FARP1: variants seen among roughly 807,000 people sequenced by gnomAD.
FARP1 encodes FERM, ARHGEF and pleckstrin domain-containing protein 1.
Under a neutral mutation model 128.8 loss-of-function variants are expected in FARP1, and 52 were observed. The ratio of observed to expected loss-of-function variants is 0.40; its 90% CI spans 0.32 to 0.51. FARP1 has a LOEUF of 0.51. Ranked by LOEUF, FARP1 falls within the 20% of genes least tolerant of loss-of-function variation. FARP1 has a pLI of 0.45. For missense variants in FARP1, 1,333 were observed against 1,367.9 expected, an observed-to-expected ratio of 0.97 and a Z score of 0.40; for synonymous variants, 580 against 551.8, an observed-to-expected ratio of 1.05 and a Z score of -0.72.
intron 2 of FARP1, among the ~76,000 whole-genome samples, chr13:98,226,310 C>T (rs1247005364): frequency 2.6e-5 from 4 of 152,166 alleles, no homozygotes; most frequent in African/African-American, 9.7e-5. Flanking sequence ...GTCATCTTCA[C>T]GTGATTTTCT....
intron 25 of FARP1, 133 bp downstream of exon 25, chr13:98,446,338 G>C (rs1055473601): frequency 1.6e-6 from 1 of 637,658 alleles, no homozygotes; most frequent in East Asian, 2.7e-5. Flanking sequence ...GGATGCTGGC[G>C]GGGGGCCCTG....
At chr13:98,347,055 G>A (rs1165026312) in intron 3 of FARP1, among the ~76,000 whole-genome samples, 1 of 152,192 alleles carries the variant, frequency 6.6e-6, no homozygotes, top group African/African-American at 2.4e-5. Context: ...AGTGCCACAG[G>A]CCAGTCTTGC....
intron 2 of FARP1, among the ~76,000 whole-genome samples, chr13:98,337,195 C>T (rs181519474): frequency 6.6e-5 from 10 of 152,138 alleles, no homozygotes; most frequent in East Asian, 1.9e-4. Context: ...AGCAAGACCT[C>T]GTCTCTACTA....
chr13:98,213,583 G>A (rs1311195254), intron 2 of FARP1, among the ~76,000 whole-genome samples, 170 bp downstream of exon 2: 2 of 152,080 alleles, frequency 1.3e-5, no homozygotes, highest in Non-Finnish European at 2.9e-5. Context: ...CTGGTTTCGA[G>A]CTCTCCAGTG....
intron 2 of FARP1, among the ~76,000 whole-genome samples, chr13:98,337,123 T>C (rs143465117): frequency 0.013 from 1,915 of 152,142 alleles, 42 homozygotes; most frequent in African/African-American, 0.044. Context: ...TCCTAGCACT[T>C]TGGGAGGCCG....
At chr13:98,305,898 T>G (rs2139718525) in intron 2 of FARP1, among the ~76,000 whole-genome samples, 1 of 152,164 alleles carries the variant, frequency 6.6e-6, no homozygotes, top group East Asian at 1.9e-4. Context: ...CATTGGCCAG[T>G]TTCCCTTTTC....
intron 18 of FARP1, chr13:98,433,213 G>T (rs896279335): frequency 5.3e-5 from 8 of 152,286 alleles, no homozygotes; most frequent in South Asian, 2.1e-4. Flanking sequence ...AGCAGAGGCC[G>T]AACAGGAAGT....
chr13:98,167,691 T>G (rs909457946), intron 1 of FARP1, among the ~76,000 whole-genome samples: 3 of 152,092 alleles, frequency 2.0e-5, no homozygotes, highest in Non-Finnish European at 4.4e-5. Context: ...ATTACAAGCA[T>G]GAGCCACTGC....
intron 3 of FARP1, among the ~76,000 whole-genome samples, chr13:98,350,649 C>G (rs1218347711): frequency 6.6e-6 from 1 of 152,160 alleles, no homozygotes; most frequent in Admixed American, 6.5e-5. Flanking sequence ...TCCAGTTCCT[C>G]CCTCTCTCCT....
intron 3 of FARP1, among the ~76,000 whole-genome samples, chr13:98,362,749 T>C (rs1271946897): frequency 6.6e-6 from 1 of 152,182 alleles, no homozygotes; most frequent in African/African-American, 2.4e-5. Context: ...CAAGGACACC[T>C]CAGAAAATTA....
intron 1 of FARP1, among the ~76,000 whole-genome samples, chr13:98,143,718 C>G (rs1228398131): frequency 8.1e-6 from 1 of 123,946 alleles, no homozygotes; most frequent in Non-Finnish European, 1.7e-5. Flanking sequence ...CTCGGGGCTC[C>G]GGGCTGCCCC....
At chr13:98,251,404 G>T (rs930576781) in intron 2 of FARP1, among the ~76,000 whole-genome samples, 10 of 152,246 alleles carry the variant, frequency 6.6e-5, no homozygotes, top group African/African-American at 2.4e-4. Flanking sequence ...ACTGGGGGCC[G>T]GGCATGGTAT....
intron 1 of FARP1, among the ~76,000 whole-genome samples, chr13:98,190,218 T>A (rs1256298261): frequency 2.0e-5 from 3 of 152,244 alleles, no homozygotes; most frequent in African/African-American, 7.2e-5. Flanking sequence ...TTTCTCCTTT[T>A]CTACAAGGTT....
At chr13:98,144,437 C>T (rs951405169) in intron 1 of FARP1, among the ~76,000 whole-genome samples, 2 of 152,174 alleles carry the variant, frequency 1.3e-5, no homozygotes, top group African/African-American at 2.4e-5. Flanking sequence ...CAGCCTCGGC[C>T]TCCCTGTCTC....
chr13:98,352,070 C>T (rs944219110), intron 3 of FARP1, among the ~76,000 whole-genome samples: 2 of 152,072 alleles, frequency 1.3e-5, no homozygotes, highest in African/African-American at 4.8e-5. Context: ...TAGATCTTCT[C>T]AAACCCAAGG....
intron 2 of FARP1, among the ~76,000 whole-genome samples, chr13:98,313,120 AC>A (rs1886551665): frequency 6.6e-6 from 1 of 151,004 alleles, no homozygotes; most frequent in African/African-American, 2.4e-5. Context: ...ACACACACAC[AC>A]ACACACACAC....
At chr13:98,345,107 A>G (rs1173486816) in intron 3 of FARP1, among the ~76,000 whole-genome samples, 1 of 152,208 alleles carries the variant, frequency 6.6e-6, no homozygotes, top group East Asian at 1.9e-4. Context: ...GTTATGCGGA[A>G]TATTGTTTCA....
intron 1 of FARP1, among the ~76,000 whole-genome samples, chr13:98,146,331 C>T (rs778885086): frequency 6.6e-6 from 1 of 152,138 alleles, no homozygotes; most frequent in Admixed American, 6.5e-5. Context: ...CAGGTTCAAG[C>T]GATTCTCCTG....
chr13:98,288,495 A>T (rs1218126283), intron 2 of FARP1, among the ~76,000 whole-genome samples: 1 of 152,074 alleles, frequency 6.6e-6, no homozygotes, highest in African/African-American at 2.4e-5. Flanking sequence ...CTGCTTTCTT[A>T]TTCATGATAT....
Sources: gnomAD v4.1 joint callset for allele counts (sites outside exome capture counted in the v4.1 genomes callset) on GRCh38, gnomAD v4.1.1 for gene constraint, MANE v1.5 for transcripts, NCBI Gene and HGNC (gene_info 2026-07-23, HGNC 2026-07-21) for gene names.